The following WDR3 variants were observed in gnomAD, a reference collection of about 807,000 sequenced individuals.
WDR3 encodes the protein WD repeat-containing protein 3.
WDR3 carries 81 observed loss-of-function variants against 123.7 expected under a neutral mutation model. The ratio of observed to expected loss-of-function variants is 0.65; its 90% CI spans 0.55 to 0.79. WDR3 has a LOEUF of 0.79. Ranked by LOEUF, WDR3 falls within the 30% of genes least tolerant of loss-of-function variation. The pLI is 0.00. For synonymous variants in WDR3, 390 were observed against 388.8 expected (o/e 1.00, Z -0.04); for missense variants, 1,027 against 1,123.2 (o/e 0.91, Z 1.22).
intron 13 of WDR3, among the ~76,000 whole-genome samples, chr1:117,948,723 A>G (rs1176305466): frequency 6.6e-6 from 1 of 151,838 alleles, no homozygotes; most frequent in African/African-American, 2.4e-5. Context: ...CAAATTGCTT[A>G]CCATCATGAT....
At chr1:117,941,101 A>T in intron 7 of WDR3, 23 bp from the exon 8 acceptor site, 9 of 1,612,958 alleles carry the variant, frequency 5.6e-6, no homozygotes, top group Non-Finnish European at 7.6e-6. Context: ...TCTAACCTTC[A>T]TCTGCTCTTG....
intron 20 of WDR3, among the ~76,000 whole-genome samples, 193 bp from the exon 21 acceptor site, chr1:117,953,283 A>G (rs1651717938): frequency 6.6e-6 from 1 of 152,184 alleles, no homozygotes; most frequent in South Asian, 2.1e-4. Context: ...AAATTTGGAT[A>G]TTCTCTTTTT....
intron 11 of WDR3, among the ~76,000 whole-genome samples, chr1:117,944,732 C>T (rs1168653278): frequency 1.3e-5 from 2 of 152,080 alleles, no homozygotes; most frequent in Non-Finnish European, 1.5e-5. Context: ...GACAGAGGCT[C>T]GCTCTGTCGC....
Position 117,945,502 on chromosome 1 carries a change from C to G in WDR3, c.1329-584C>G, listed in dbSNP as rs527314789. On this transcript the variant is annotated intron_variant, in intron 11 of 26. Coordinates refer to ENST00000349139, the MANE Select transcript of WDR3 (RefSeq NM_006784.3). ...TACTCCTTGCACTCTTCATCCTCTT[C>G]TCCCAGCATTATGTTGCTCTATAGC... Among the ~76,000 whole-genome samples the G allele has an allele frequency of 2.0e-5, 3 of 152,268 alleles. No individual in the cohort carries two copies. In the South Asian group the frequency reaches 6.2e-4, roughly 32 times the overall value.
At chr1:117,954,760 C>A in intron 23 of WDR3, 133 bp downstream of exon 23, 1 of 946,430 alleles carries the variant, frequency 1.1e-6, no homozygotes, top group Admixed American at 2.5e-5. Context: ...TCTTTTGAAT[C>A]TTGGCATTCT....
At position 117,963,711 on chromosome 1, in the gene WDR3, G is replaced by T; in HGVS notation, c.*4264G>T. 7.9e-7 allele frequency: 1 copy of T among 1,265,280 alleles called. No individual in the cohort carries two copies. The highest frequency in any genetic ancestry group is 1.1e-6 in the Non-Finnish European group (1 of 916,848). 78.4% of individuals were successfully genotyped at this position (1,265,280 alleles called of 1,614,324 possible). On this transcript the variant is annotated 3_prime_UTR_variant, in exon 27 of 27. Transcript: ENST00000349139. ...CAGGCCAGGTGGCTTATAGGTTTCT[G>T]ACTATAAGAAGAGGGGAAGAAACCT... is the stretch of plus-strand genomic sequence containing the variant.
At chr1:117,936,678 C>A in intron 3 of WDR3, 91 bp from the exon 4 acceptor site, 1 of 1,017,598 alleles carries the variant, frequency 9.8e-7, no homozygotes, top group Non-Finnish European at 1.5e-6. Flanking sequence ...CTGTGTATTG[C>A]CTTTTTAATA....
In WDR3 at chr1:117,946,866, G is replaced by A. The variant is rs192729309; in HGVS notation, c.1422+687G>A. Among the ~76,000 whole-genome samples, 341 of 151,148 alleles carry A rather than the reference G, an allele frequency of 2.3e-3. 2 individuals carry two copies. Among genetic ancestry groups the A allele is most frequent in the Non-Finnish European group, 2.3e-3 (159 of 67,780 alleles). On this transcript the variant is annotated intron_variant, in intron 12 of 26. Coordinates refer to ENST00000349139, the MANE Select transcript of WDR3 (RefSeq NM_006784.3). ...TGAGGCAGGAGAATGGCGTGAACCC[G>A]GGAGGTGGAGCTTGCAGTGAGCCGA...
At chr1:117,941,517 T>C (rs1356451299) in intron 8 of WDR3, among the ~76,000 whole-genome samples, 1 of 152,232 alleles carries the variant, frequency 6.6e-6, no homozygotes, top group Non-Finnish European at 1.5e-5. Flanking sequence ...TGCTTGCTCT[T>C]CTAAGCAATT....
intron 12 of WDR3, 51 bp from the exon 13 acceptor site, chr1:117,948,354 G>C: frequency 6.6e-7 from 1 of 1,511,448 alleles, no homozygotes; most frequent in Non-Finnish European, 9.2e-7. Context: ...CATGAATCAT[G>C]GAGGTTGTAC....
chr1:117,953,674 A>G, intron 21 of WDR3, 133 bp downstream of exon 21: 1 of 804,488 alleles, frequency 1.2e-6, no homozygotes. Flanking sequence ...GGGGATTATA[A>G]CCTGTTTCCT....
rs1370924769 is a variant in WDR3 at position 117,959,556 on chromosome 1, G to A, written c.*109G>A. 32 of 1,191,396 alleles carry A rather than the reference G, an allele frequency of 2.7e-5. No homozygotes were observed. The East Asian group carries it at 6.1e-4, about 23-fold the overall frequency. 73.8% of individuals were successfully genotyped at this position (1,191,396 alleles called of 1,614,324 possible). On this transcript the variant is annotated 3_prime_UTR_variant, in exon 27 of 27. Transcript: ENST00000349139. ...TAAAAATACCAAATAACAGAAGATC[G>A]CATTGCAGATGATATCAGGATGTGG...
intron 24 of WDR3, 77 bp from the exon 25 acceptor site, chr1:117,956,991 A>G (rs1004781723): frequency 2.3e-6 from 3 of 1,280,976 alleles, no homozygotes; most frequent in East Asian, 5.1e-5. Context: ...AAAATAATAA[A>G]GGGAAGGATT....
intron 11 of WDR3, among the ~76,000 whole-genome samples, chr1:117,944,266 G>T (rs1651289310): frequency 6.6e-6 from 1 of 152,078 alleles, no homozygotes; most frequent in South Asian, 2.1e-4. Context: ...ATGACTTTCT[G>T]TCTTTGACAC....
At chr1:117,954,518 T>C in intron 22 of WDR3, 62 bp from the exon 23 acceptor site, 2 of 1,504,416 alleles carry the variant, frequency 1.3e-6, no homozygotes, top group Non-Finnish European at 1.8e-6. Flanking sequence ...CCACTCTGTC[T>C]ATAACAAGTG....
rs758945317 is a variant in WDR3 at position 117,957,067 on chromosome 1, G to T, written c.2454-1G>T. The stretch of plus-strand genomic sequence containing the variant: ...TTTTATATTTATTTTTTCTTTTTCA[G>T]TGAGCTGGAAGAATCTCTACTTGTG... On this transcript the variant is annotated splice_acceptor_variant, in intron 24 of 26. Transcript: ENST00000349139. LOFTEE classifies it high-confidence loss of function. 102 of 1,549,390 alleles carry T rather than the reference G, an allele frequency of 6.6e-5. No homozygotes were observed. The highest frequency in any genetic ancestry group is 1.4e-5 in the African/African-American group (1 of 71,164).
At chr1:117,940,145 T>C (rs772176420) in intron 6 of WDR3, among the ~76,000 whole-genome samples, 1 of 152,186 alleles carries the variant, frequency 6.6e-6, no homozygotes, top group African/African-American at 2.4e-5. Flanking sequence ...CAATTTGAAT[T>C]TTTTGTTCTA....
At chr1:117,951,908 C>T (rs1023288867) in intron 16 of WDR3, 68 bp from the exon 17 acceptor site, 4 of 1,408,454 alleles carry the variant, frequency 2.8e-6, no homozygotes, top group Non-Finnish European at 3.9e-6. Flanking sequence ...GTTAAATATT[C>T]TGGTTAGCTT....
Position 117,942,510 on chromosome 1 carries a change from C to T in WDR3, c.1063C>T (p.Arg355Trp), listed in dbSNP as rs920694763. The T allele has an allele frequency of 1.1e-5, 17 of 1,613,662 alleles. No homozygotes were observed. Among genetic ancestry groups the T allele is most frequent in the African/African-American group, 4.0e-5 (3 of 74,882 alleles). The change falls in exon 10 of 27, where the codon CGG becomes TGG. Residue 355 changes from arginine (R) to tryptophan (W), a missense_variant. Arg to Trp is a moderately radical substitution (Grantham distance 101). Coordinates refer to ENST00000349139, the MANE Select transcript of WDR3 (RefSeq NM_006784.3). ...AATGAGTCTGCAAGATGAAATCCAG[C>T]GGGTGACTAATATAAAAACTTCTGC... is the stretch of plus-strand genomic sequence containing the variant. ...VEMSLQDEIQ[R>W]VTNIKTSAKI...
Sources: gnomAD v4.1 joint callset for allele counts (sites outside exome capture counted in the v4.1 genomes callset) on GRCh38, gnomAD v4.1.1 for gene constraint, MANE v1.5 for transcripts, NCBI Gene and HGNC (gene_info 2026-07-23, HGNC 2026-07-21) for gene names.